SRR: variants seen among roughly 807,000 people sequenced by gnomAD.
SRR encodes serine racemase.
Under a neutral mutation model 32.7 loss-of-function variants are expected in SRR, and 19 were observed. The observed-to-expected ratio is 0.58, with a 90% CI of 0.40 to 0.85. SRR has a LOEUF of 0.85. SRR is among the 40% of genes least tolerant of loss of function. The pLI is 0.00. For missense variants in SRR, 373 were observed against 404.7 expected (o/e 0.92, Z 0.67); for synonymous variants, 142 against 140.9 (o/e 1.01, Z -0.06).
chr17:2,324,987 C>A lies in SRR; in HGVS notation c.*1114C>A. The A allele has an allele frequency of 2.6e-6, 2 of 765,412 alleles. No individual in the cohort carries two copies. Among genetic ancestry groups the A allele is most frequent in the South Asian group, 2.0e-5 (1 of 49,394 alleles). The allele number at this position is 765,412 out of a possible 1,614,324, so 47.4% of individuals were successfully genotyped here. A position where few individuals can be genotyped will look rare whatever the true frequency, so the allele number is the denominator to read the frequency against. On this transcript the variant is annotated 3_prime_UTR_variant, in exon 8 of 8. Coordinates refer to ENST00000344595, the MANE Select transcript of SRR (RefSeq NM_021947.3). ...TGGTAAACTGTAAGCCCACACTTAA[C>A]CTTGTCAATAGGTTCTTGAAAACTT...
chr17:2,316,297 A>C (rs922022869), intron 2 of SRR, among the ~76,000 whole-genome samples: 3 of 152,190 alleles, frequency 2.0e-5, no homozygotes, highest in Non-Finnish European at 4.4e-5. Flanking sequence ...ATTTCTCGAA[A>C]CATATCCCCA....
chr17:2,317,207 G>GA lies in SRR; in HGVS notation c.169-641dup, dbSNP rs1238108697. On this transcript the variant is annotated intron_variant, in intron 2 of 7. Coordinates refer to ENST00000344595, the MANE Select transcript of SRR (RefSeq NM_021947.3). ...GATAGAGGAAGACTCCATCTCGGGG[G>GA]AAAAAAAAAAAAAAAAAAAAAAGGC... Among the ~76,000 whole-genome samples the GA allele has an allele frequency of 6.9e-3, 372 of 54,276 alleles. 4 individuals carry two copies. Among genetic ancestry groups the GA allele is most frequent in the Middle Eastern group, 0.037 (2 of 54 alleles). The allele number at this position is 54,276 out of a possible 152,430, so 35.6% of individuals were successfully genotyped here.
Position 2,321,387 on chromosome 17 carries a change from G to C in SRR, c.481G>C (p.Ala161Pro). Reference sequence around the variant, plus strand: ...TCCCAACCAGGAGCCTGCAGTGATAGCTGGACAAGGGACAATTGCCCTGGA... The same window carrying C: ...TCCCAACCAGGAGCCTGCAGTGATACCTGGACAAGGGACAATTGCCCTGGA... ...VHPNQEPAVI[A>P]GQGTIALEVL... Residue 161 changes from alanine to proline, a missense_variant, in exon 5 of 8, where the codon GCT becomes CCT. Transcript: ENST00000344595. 1 of 1,612,570 alleles carries C rather than the reference G, an allele frequency of 6.2e-7. No homozygotes were observed. Among genetic ancestry groups the C allele is most frequent in the Non-Finnish European group, 8.5e-7 (1 of 1,179,564 alleles).
At chr17:2,303,573 G>A (rs559312361), upstream of SRR, 12 of 1,371,208 alleles carry the variant, frequency 8.8e-6, no homozygotes, top group East Asian at 3.1e-5. Context: ...GGAGGCAGAG[G>A]AGGAGGAGAG....
At position 2,324,568 on chromosome 17, in the gene SRR, C is replaced by A. The variant is rs1272814639; in HGVS notation, c.*695C>A. ...TTCTCAGTTCCACTGGTTTAAACCA[C>A]AGCACATCCTCTTAGAATCAAACAC... On this transcript the variant is annotated 3_prime_UTR_variant, in exon 8 of 8. Coordinates refer to ENST00000344595, the MANE Select transcript of SRR (RefSeq NM_021947.3). 9.9e-6 allele frequency: 16 copies of A among 1,614,194 alleles called. No individual in the cohort carries two copies. The highest frequency in any genetic ancestry group is 1.2e-5 in the Non-Finnish European group (14 of 1,180,036).
rs1466472510 is a variant in SRR, at chr17:2,323,733, T to A, written c.883T>A (p.Ser295Thr). 6.2e-7 allele frequency: 1 copy of A among 1,614,218 alleles called. No individual in the cohort carries two copies. Among genetic ancestry groups the A allele is most frequent in the Non-Finnish European group, 8.5e-7 (1 of 1,180,030 alleles). ...TAGVGVAAVL[S>T]QHFQTVSPEV... ...TGGTGTTGGAGTGGCTGCTGTGCTG[T>A]CTCAACATTTTCAAACTGTTTCCCC... The change falls in exon 8 of 8, where the codon TCT becomes ACT. Residue 295 changes from serine (S) to threonine (T), a missense_variant. Transcript: ENST00000344595.
rs1192557794 is a variant in SRR at position 2,307,120 on chromosome 17, C to T, written c.-5+3103C>T. ...TAACGAAGACACTGAAGAATATCACCTAAGTGATTATTTTGAACAGTATGG... is the reference window on the plus strand; with the variant it reads ...TAACGAAGACACTGAAGAATATCACTTAAGTGATTATTTTGAACAGTATGG... On this transcript the variant is annotated intron_variant, in intron 1 of 7. Coordinates refer to ENST00000344595, the MANE Select transcript of SRR (RefSeq NM_021947.3). 3 of 1,135,000 alleles carry T rather than the reference C, an allele frequency of 2.6e-6. No individual in the cohort carries two copies. The African/African-American group carries it at 4.6e-5, about 17-fold the overall frequency. The allele number at this position is 1,135,000 out of a possible 1,614,324, so 70.3% of individuals were successfully genotyped here. A position where few individuals can be genotyped will look rare whatever the true frequency, so the allele number is the denominator to read the frequency against.
At position 2,321,391 on chromosome 17, in the gene SRR, G is replaced by T; in HGVS notation, c.485G>T (p.Gly162Val). ...HPNQEPAVIAGQGTIALEVLN... is the reference protein window; with the variant it reads ...HPNQEPAVIAVQGTIALEVLN... ...AACCAGGAGCCTGCAGTGATAGCTGGACAAGGGACAATTGCCCTGGAAGTG... is the reference window on the plus strand; with the variant it reads ...AACCAGGAGCCTGCAGTGATAGCTGTACAAGGGACAATTGCCCTGGAAGTG... The change falls in exon 5 of 8, where the codon GGA (glycine) becomes GTA (valine). Residue 162 changes from glycine (G) to valine (V), a missense_variant. Gly to Val is a moderately radical substitution (Grantham distance 109). Transcript: ENST00000344595. 6.2e-7 allele frequency: 1 copy of T among 1,612,606 alleles called. No individual in the cohort carries two copies. Among genetic ancestry groups the T allele is most frequent in the South Asian group, 1.1e-5 (1 of 90,788 alleles).
chr17:2,324,008 T>G lies in SRR; in HGVS notation c.*135T>G. On this transcript the variant is annotated 3_prime_UTR_variant, in exon 8 of 8. Transcript: ENST00000344595. The stretch of plus-strand genomic sequence containing the variant: ...TTCATTAAGATTTAATAGTTTTTTT[T>G]GGACTAAGTAGTGGAAAAACTTTTA... The G allele has an allele frequency of 2.6e-6, 3 of 1,165,482 alleles. No individual in the cohort carries two copies. Among genetic ancestry groups the G allele is most frequent in the Non-Finnish European group, 3.6e-6 (3 of 834,984 alleles). 72.2% of individuals were successfully genotyped at this position (1,165,482 alleles called of 1,614,324 possible). A position where few individuals can be genotyped will look rare whatever the true frequency, so the allele number is the denominator to read the frequency against.
rs2075555983 is a variant in SRR, at chr17:2,323,836, C to T, written c.986C>T (p.Ala329Val). 3 of 1,614,156 alleles carry T rather than the reference C, an allele frequency of 1.9e-6. No homozygotes were observed. Among genetic ancestry groups the T allele is most frequent in the East Asian group, 4.5e-5 (2 of 44,884 alleles). Residue 329 changes from alanine (A) to valine (V), a missense_variant, in exon 8 of 8, where the codon GCT becomes GTT. Coordinates refer to ENST00000344595, the MANE Select transcript of SRR (RefSeq NM_021947.3). ...LTSSITWVKQ[A>V]ERPASYQSVS... ...TCCTCCATAACTTGGGTGAAGCAGG[C>T]TGAAAGGCCAGCTTCTTATCAGTCT...
chr17:2,320,776 G>T (rs1182204656), intron 4 of SRR, among the ~76,000 whole-genome samples: 3 of 152,000 alleles, frequency 2.0e-5, no homozygotes, highest in Admixed American at 6.6e-5. Flanking sequence ...TGGCAAGGCT[G>T]GTCTTGAACT....
Position 2,318,864 on chromosome 17 carries a change from G to A in SRR, c.334G>A (p.Asp112Asn). 4 of 1,613,778 alleles carry A rather than the reference G, an allele frequency of 2.5e-6. No homozygotes were observed. Among genetic ancestry groups the A allele is most frequent in the Non-Finnish European group, 3.4e-6 (4 of 1,179,894 alleles). Residue 112 changes from aspartate to asparagine, a missense_variant, in exon 4 of 8, where the codon GAC (aspartate) becomes AAC (asparagine). Transcript: ENST00000344595. Reference sequence around the variant, plus strand: ...TATTGTGGTGCCCCAGACAGCTCCAGACTGTAAAAAACTTGCAATACAAGC... The same window carrying A: ...TATTGTGGTGCCCCAGACAGCTCCAAACTGTAAAAAACTTGCAATACAAGC... ...AYIVVPQTAP[D>N]CKKLAIQAYG...
Position 2,307,840 on chromosome 17 carries a change from A to G in SRR, c.-5+3823A>G, listed in dbSNP as rs1282858957. The G allele has an allele frequency of 4.5e-6, 3 of 660,006 alleles. No individual in the cohort carries two copies. The East Asian group carries it at 9.1e-5, about 20-fold the overall frequency. The allele number at this position is 660,006 out of a possible 1,614,324, so 40.9% of individuals were successfully genotyped here. ...GCAGGGCCTAGCTGCTACAAAGAAGATATGTTTTAGACAAATACTCATGTG... is the reference window on the plus strand; with the variant it reads ...GCAGGGCCTAGCTGCTACAAAGAAGGTATGTTTTAGACAAATACTCATGTG... On this transcript the variant is annotated intron_variant, in intron 1 of 7. Transcript: ENST00000344595.
intron 4 of SRR, among the ~76,000 whole-genome samples, chr17:2,320,099 T>C (rs994279915): frequency 2.0e-5 from 3 of 151,720 alleles, no homozygotes; most frequent in Non-Finnish European, 4.4e-5. Context: ...ATTACAGGCG[T>C]GAGCCACCAC....
intron 4 of SRR, among the ~76,000 whole-genome samples, chr17:2,320,380 C>T (rs548247936): frequency 8.0e-5 from 12 of 149,142 alleles, no homozygotes; most frequent in Admixed American, 4.0e-4. Flanking sequence ...CTCAGCCTCC[C>T]GAGTAGCTGG....
At chr17:2,318,223 T>C (rs1292547282) in intron 3 of SRR, among the ~76,000 whole-genome samples, 2 of 151,954 alleles carry the variant, frequency 1.3e-5, no homozygotes, top group African/African-American at 2.4e-5. Flanking sequence ...CGGCTCACTG[T>C]AACCTCCACC....
rs761098424 is a variant in SRR, at chr17:2,324,169, C to T, written c.*296C>T. The T allele has an allele frequency of 6.3e-5, 96 of 1,512,034 alleles. No individual in the cohort carries two copies. The highest frequency in any genetic ancestry group is 7.9e-5 in the Non-Finnish European group (90 of 1,135,116). The allele number at this position is 1,512,034 out of a possible 1,614,324, so 93.7% of individuals were successfully genotyped here. ...CCATCCCTGGAGTACTGACTGGCAC[C>T]GGTAAGACAGAATCTCTTTGAATCC... On this transcript the variant is annotated 3_prime_UTR_variant, in exon 8 of 8. Coordinates refer to ENST00000344595, the MANE Select transcript of SRR (RefSeq NM_021947.3).
intron 1 of SRR, among the ~76,000 whole-genome samples, chr17:2,313,020 G>A (rs944143476): frequency 1.6e-4 from 24 of 152,134 alleles, no homozygotes; most frequent in Admixed American, 9.2e-4. Flanking sequence ...ACACACTCCC[G>A]GGCTCAAGCA....
Position 2,321,508 on chromosome 17 carries a change from A to G in SRR, c.520-34A>G, listed in dbSNP as rs145834679. On this transcript the variant is annotated intron_variant, in intron 5 of 7. Transcript: ENST00000344595. ...ATTATTTTATATGTATACATTAAATATAAAACTGCTTACAGTTTATATTTT... is the reference window on the plus strand; with the variant it reads ...ATTATTTTATATGTATACATTAAATGTAAAACTGCTTACAGTTTATATTTT... 7.4e-4 allele frequency: 1,193 copies of G among 1,613,570 alleles called. 2 individuals carry two copies. The highest frequency in any genetic ancestry group is 4.0e-3 in the East Asian group (181 of 44,880).
Sources: allele counts gnomAD v4.1 joint callset (sites outside exome capture counted in the v4.1 genomes callset), GRCh38; gene constraint gnomAD v4.1.1; transcripts MANE v1.5; gene names NCBI Gene and HGNC (gene_info 2026-07-23, HGNC 2026-07-21).